Variants in PCDHGB2 observed in about 807,000 individuals in gnomAD.
PCDHGB2 encodes the protein protocadherin gamma-B2.
In PCDHGB2, 55 loss-of-function variants were observed where a neutral mutation model predicts 59.3. The observed-to-expected ratio is 0.93, with a 90% CI of 0.75 to 1.16. The LOEUF is 1.16. Among genes scored for constraint, PCDHGB2 ranks in the 50% most tolerant of loss-of-function variants. PCDHGB2 has a pLI of 0.00. For synonymous variants in PCDHGB2, 516 were observed against 512.0 expected (o/e 1.01, Z -0.11); for missense variants, 1,228 against 1,198.5 (o/e 1.02, Z -0.36).
At chr5:141,422,942 G>A (rs199976232) in intron 1 of PCDHGB2, 5 of 1,614,096 alleles carry the variant, frequency 3.1e-6, no homozygotes, top group Non-Finnish European at 4.2e-6. Flanking sequence ...CCCACAGACG[G>A]CTCCACTGGC....
In PCDHGB2 at chr5:141,462,417, A is replaced by G. The variant is rs184240612; in HGVS notation, c.2422-32390A>G. 4.0e-4 allele frequency among the ~76,000 whole-genome samples: 61 copies of G among 152,300 alleles called. 1 individual carries two copies. The highest frequency in any genetic ancestry group is 3.2e-3 in the Admixed American group (49 of 15,300). ...TCTTTTATGGCACAGAATATGGTCT[A>G]TCTTGGTGAGTGTTGCTTACACACA... On this transcript the variant is annotated intron_variant, in intron 1 of 3. Transcript: ENST00000522605.
intron 1 of PCDHGB2, chr5:141,390,221 C>T (rs764241687): frequency 5.8e-5 from 94 of 1,614,004 alleles, no homozygotes; most frequent in African/African-American, 2.0e-4. Context: ...ACATACTTTG[C>T]GGTGATTCAT....
At chr5:141,376,323 G>T in intron 1 of PCDHGB2, 1 of 1,614,162 alleles carries the variant, frequency 6.2e-7, no homozygotes, top group South Asian at 1.1e-5. Flanking sequence ...GAAGGGGTTC[G>T]GGCTTTCCTG....
intron 1 of PCDHGB2, chr5:141,414,590 G>C (rs1287207695): frequency 1.2e-6 from 2 of 1,613,936 alleles, no homozygotes; most frequent in South Asian, 1.1e-5. Flanking sequence ...AACGCCAGGG[G>C]TGCCTCCATC....
intron 1 of PCDHGB2, among the ~76,000 whole-genome samples, chr5:141,482,207 G>T (rs983812650): frequency 6.6e-6 from 1 of 152,130 alleles, no homozygotes; most frequent in East Asian, 1.9e-4. Flanking sequence ...AAACAGACCA[G>T]GTACTTGTTT....
chr5:141,453,364 G>A (rs921978865), intron 1 of PCDHGB2, among the ~76,000 whole-genome samples: 4 of 151,814 alleles, frequency 2.6e-5, no homozygotes, highest in African/African-American at 9.7e-5. Flanking sequence ...GAACTCCTGG[G>A]GTCAAGTGAT....
At chr5:141,446,221 T>C (rs2098493855) in intron 1 of PCDHGB2, among the ~76,000 whole-genome samples, 1 of 152,164 alleles carries the variant, frequency 6.6e-6, no homozygotes, top group African/African-American at 2.4e-5. Flanking sequence ...AATATTGTTG[T>C]GTTGCCTGGC....
intron 1 of PCDHGB2, among the ~76,000 whole-genome samples, chr5:141,407,771 A>G (rs1414886829): frequency 6.6e-6 from 1 of 152,246 alleles, no homozygotes; most frequent in East Asian, 1.9e-4. Context: ...GAAATTGTGC[A>G]TAATAGATTT....
At chr5:141,474,452 G>A (rs1341193950) in intron 1 of PCDHGB2, among the ~76,000 whole-genome samples, 1 of 152,158 alleles carries the variant, frequency 6.6e-6, no homozygotes, top group Non-Finnish European at 1.5e-5. Flanking sequence ...CAAGTGATTG[G>A]GCTATACTCT....
intron 1 of PCDHGB2, chr5:141,409,634 G>GGA (rs766487639): frequency 1.2e-6 from 2 of 1,613,720 alleles, no homozygotes; most frequent in African/African-American, 2.7e-5. Flanking sequence ...GAGCGCCTCT[G>GGA]ACCCGGATTT....
At position 141,460,912 on chromosome 5, in the gene PCDHGB2, G is replaced by GTGTATATA. The variant is rs145509489; in HGVS notation, c.2422-33894_2422-33893insGTATATAT. ...TCGTGGCTGAGTAATATTCCATGGTGTATATATATATATGTGTGTGTGTAT... is the reference window on the plus strand; with the variant it reads ...TCGTGGCTGAGTAATATTCCATGGTGTGTATATATATATATATATATGTGTGTGTGTAT... On this transcript the variant is annotated intron_variant, in intron 1 of 3. Transcript: ENST00000522605. Among the ~76,000 whole-genome samples the GTGTATATA allele has an allele frequency of 5.0e-3, 740 of 149,316 alleles. 4 individuals are homozygous for GTGTATATA. The highest frequency in any genetic ancestry group is 0.015 in the African/African-American group (617 of 40,618).
At chr5:141,372,123 A>G (rs1435565099) in intron 1 of PCDHGB2, 3 of 1,613,632 alleles carry the variant, frequency 1.9e-6, no homozygotes, top group Non-Finnish European at 2.5e-6. Context: ...GCTCTTCGAT[A>G]TGGTGCCGCG....
chr5:141,478,560 A>G, intron 1 of PCDHGB2: 1 of 1,598,736 alleles, frequency 6.3e-7, no homozygotes, highest in Non-Finnish European at 8.5e-7. Flanking sequence ...AGGTTTAGCA[A>G]GTCATGCTTG....
At chr5:141,505,296 G>A (rs1174492966) in intron 2 of PCDHGB2, 97 bp from the exon 3 acceptor site, 1 of 1,584,850 alleles carries the variant, frequency 6.3e-7, no homozygotes, top group Non-Finnish European at 8.6e-7. Context: ...ATGGGGTAGG[G>A]TTAGGGTACT....
In PCDHGB2 at chr5:141,362,422, A is replaced by G; in HGVS notation, c.2287A>G (p.Thr763Ala). ...GTGTGTTGCCTCACAATCAGCCAAGACAGAGTTCAATTTTCTGAACATAAC... is the reference window on the plus strand; with the variant it reads ...GTGTGTTGCCTCACAATCAGCCAAGGCAGAGTTCAATTTTCTGAACATAAC... ...NLCVASQSAKTEFNFLNITPE... is the reference protein window; with the variant it reads ...NLCVASQSAKAEFNFLNITPE... The change falls in exon 1 of 4, where the codon ACA becomes GCA. Residue 763 changes from threonine (T) to alanine (A), a missense_variant. Coordinates refer to ENST00000522605, the MANE Select transcript of PCDHGB2 (RefSeq NM_018923.3). The G allele has an allele frequency of 2.5e-6, 4 of 1,614,016 alleles. No individual in the cohort carries two copies. The highest frequency in any genetic ancestry group is 2.7e-5 in the African/African-American group (2 of 75,038).
chr5:141,417,618 G>C, intron 1 of PCDHGB2: 3 of 654,348 alleles, frequency 4.6e-6, no homozygotes, highest in Non-Finnish European at 7.4e-6. Flanking sequence ...CCAGTGCAGA[G>C]CAAGCGCTGA....
chr5:141,509,882 GTGAC>G (rs1186067105), intron 3 of PCDHGB2, among the ~76,000 whole-genome samples: 1 of 152,182 alleles, frequency 6.6e-6, no homozygotes, highest in Non-Finnish European at 1.5e-5. Context: ...GGTGGTGATG[GTGAC>G]TGACTGTCCC....
intron 3 of PCDHGB2, 152 bp from the exon 4 acceptor site, chr5:141,510,795 G>C (rs994874330): frequency 9.3e-5 from 136 of 1,465,100 alleles, no homozygotes; most frequent in Admixed American, 1.7e-4. Flanking sequence ...CTTGTGAAGA[G>C]AGACTACCTT....
rs2099606006 is a variant in PCDHGB2, at chr5:141,485,058, G to A, written c.2422-9749G>A. Reference sequence around the variant, plus strand: ...TAACCCTTGCGGCGCCGGCCGAACCGCGCCAGAGCTGGCGCGGGGAAAGGG... The same window carrying A: ...TAACCCTTGCGGCGCCGGCCGAACCACGCCAGAGCTGGCGCGGGGAAAGGG... On this transcript the variant is annotated intron_variant, in intron 1 of 3. Coordinates refer to ENST00000522605, the MANE Select transcript of PCDHGB2 (RefSeq NM_018923.3). The surrounding 1 kb of genome is among the most constrained non-coding windows in gnomAD (Gnocchi z 5.7). 1 of 848,828 alleles carries A rather than the reference G, an allele frequency of 1.2e-6. No individual in the cohort carries two copies. The highest frequency in any genetic ancestry group is 1.9e-6 in the Non-Finnish European group (1 of 529,084). The allele number at this position is 848,828 out of a possible 1,614,324, so 52.6% of individuals were successfully genotyped here.
Sources: allele counts gnomAD v4.1 joint callset (sites outside exome capture counted in the v4.1 genomes callset), GRCh38; gene constraint gnomAD v4.1.1; non-coding constraint Gnocchi (gnomAD v3.1); transcripts MANE v1.5; gene names NCBI Gene and HGNC (gene_info 2026-07-23, HGNC 2026-07-21).